The following CTNNA2 variants were observed in gnomAD, a reference collection of about 807,000 sequenced individuals.
CTNNA2 encodes the protein catenin alpha 2, also known as catenin alpha-2.
In CTNNA2, 42 loss-of-function variants were observed where a neutral mutation model predicts 101.0. That is an observed-to-expected ratio of 0.42 (90% confidence interval 0.32 to 0.54). The LOEUF (loss-of-function observed/expected upper bound fraction) is 0.54, where lower values mean the gene tolerates loss of function less well. Among genes scored for constraint, CTNNA2 ranks in the 20% least tolerant of loss-of-function variants. CTNNA2 has a pLI of 0.14. For synonymous variants in CTNNA2, 450 were observed against 456.4 expected (o/e 0.99, Z 0.18); for missense variants, 871 against 1,223.1 (o/e 0.71, Z 4.29).
intron 2 of CTNNA2, among the ~76,000 whole-genome samples, chr2:79,265,597 C>A (rs909309298): frequency 5.9e-5 from 9 of 152,134 alleles, no homozygotes; most frequent in Non-Finnish European, 1.3e-4. Context: ...GACATGAATA[C>A]AAAATTCAAT....
intron 7 of CTNNA2, among the ~76,000 whole-genome samples, chr2:80,194,494 GT>G (rs5832439): frequency 6.3e-4 from 92 of 147,162 alleles, no homozygotes; most frequent in East Asian, 2.6e-3. Flanking sequence ...TGATGTGATA[GT>G]TTTTTTTTTT....
At chr2:79,642,263 T>G (rs1680498130) in intron 1 of CTNNA2, among the ~76,000 whole-genome samples, 1 of 152,230 alleles carries the variant, frequency 6.6e-6, no homozygotes, top group South Asian at 2.1e-4. Context: ...ATAGAAGTCT[T>G]GCAAATATTG....
At chr2:79,256,760 C>A (rs1235389207) in intron 2 of CTNNA2, among the ~76,000 whole-genome samples, 1 of 152,166 alleles carries the variant, frequency 6.6e-6, no homozygotes, top group African/African-American at 2.4e-5. Context: ...CCCAGTTCTT[C>A]AATCTGTAGT....
chr2:79,326,185 C>T (rs564353839), intron 3 of CTNNA2, among the ~76,000 whole-genome samples: 1 of 151,946 alleles, frequency 6.6e-6, no homozygotes, highest in Non-Finnish European at 1.5e-5. Flanking sequence ...TCAATGTCTG[C>T]CTTGACATTG....
intron 7 of CTNNA2, among the ~76,000 whole-genome samples, chr2:80,225,009 C>T (rs896801668): frequency 2.0e-5 from 3 of 152,144 alleles, no homozygotes; most frequent in Non-Finnish European, 4.4e-5. Flanking sequence ...CACACTGCAC[C>T]AGCCTGGTCA....
intron 4 of CTNNA2, among the ~76,000 whole-genome samples, chr2:79,497,617 T>C (rs1437806768): frequency 6.6e-6 from 1 of 152,168 alleles, no homozygotes; most frequent in Non-Finnish European, 1.5e-5. Context: ...TGTCCACTAA[T>C]TCTTCTCTTA....
chr2:79,611,141 T>C (rs1009987002), intron 1 of CTNNA2, among the ~76,000 whole-genome samples: 3 of 152,168 alleles, frequency 2.0e-5, no homozygotes, highest in African/African-American at 7.2e-5. Context: ...AACACAGGGT[T>C]GATACCCACC....
At chr2:80,267,679 A>C (rs1673115299) in intron 7 of CTNNA2, among the ~76,000 whole-genome samples, 1 of 152,238 alleles carries the variant, frequency 6.6e-6, no homozygotes, top group South Asian at 2.1e-4. Context: ...GGGGACCTGG[A>C]AAAGTTTTTC....
At chr2:79,927,594 A>G (rs954908348) in intron 7 of CTNNA2, among the ~76,000 whole-genome samples, 1 of 152,210 alleles carries the variant, frequency 6.6e-6, no homozygotes, top group Non-Finnish European at 1.5e-5. Flanking sequence ...GTATTTATCA[A>G]TTATTCATTG....
At chr2:79,232,485 T>C (rs1007493149) in intron 2 of CTNNA2, among the ~76,000 whole-genome samples, 1 of 152,178 alleles carries the variant, frequency 6.6e-6, no homozygotes, top group African/African-American at 2.4e-5. Context: ...ATCAGGGATA[T>C]TGGCCTGAAT....
At chr2:80,058,581 A>G (rs1301444709) in intron 7 of CTNNA2, among the ~76,000 whole-genome samples, 2 of 152,224 alleles carry the variant, frequency 1.3e-5, no homozygotes, top group Non-Finnish European at 2.9e-5. Flanking sequence ...TTATAGGCGT[A>G]AAAGCAATCC....
intron 7 of CTNNA2, among the ~76,000 whole-genome samples, chr2:80,013,787 T>A (rs978376159): frequency 3.3e-4 from 50 of 152,330 alleles, no homozygotes; most frequent in African/African-American, 1.1e-3. Context: ...GCATCCTACT[T>A]ACTTATGAAA....
intron 9 of CTNNA2, among the ~76,000 whole-genome samples, chr2:80,538,267 T>A (rs1291473890): frequency 6.6e-6 from 1 of 152,196 alleles, no homozygotes; most frequent in African/African-American, 2.4e-5. Context: ...TTACTATTGC[T>A]TTTGCTGTTT....
chr2:79,409,941 T>A (rs1408654448), intron 4 of CTNNA2, among the ~76,000 whole-genome samples: 1 of 144,830 alleles, frequency 6.9e-6, no homozygotes, highest in East Asian at 2.0e-4. Flanking sequence ...GAGCATGGAA[T>A]GTTCTTCCAT....
intron 4 of CTNNA2, among the ~76,000 whole-genome samples, chr2:79,460,093 A>G (rs1573176013): frequency 6.6e-6 from 1 of 152,140 alleles, no homozygotes; most frequent in African/African-American, 2.4e-5. Context: ...CAGAATCTGT[A>G]TCTTCTTTTT....
At chr2:80,401,150 GTTTA>G (rs1429428935) in intron 8 of CTNNA2, among the ~76,000 whole-genome samples, 10 of 152,086 alleles carry the variant, frequency 6.6e-5, no homozygotes, top group Admixed American at 6.5e-4. Flanking sequence ...GGGTTTAGTT[GTTTA>G]TTTGTTTTTG....
chr2:79,212,217 G>C (rs1259589038), intron 2 of CTNNA2, among the ~76,000 whole-genome samples: 2 of 152,190 alleles, frequency 1.3e-5, no homozygotes, highest in African/African-American at 4.8e-5. Context: ...AGTGTAAACC[G>C]GCAGTGTAAA....
chr2:80,133,966 C>T (rs1456368646), intron 7 of CTNNA2, among the ~76,000 whole-genome samples: 1 of 152,078 alleles, frequency 6.6e-6, no homozygotes, highest in Admixed American at 6.6e-5. Context: ...CTATTAGTGC[C>T]TGTCTATTAG....
At chr2:80,422,084 T>A (rs979547642) in intron 9 of CTNNA2, among the ~76,000 whole-genome samples, 7 of 152,208 alleles carry the variant, frequency 4.6e-5, no homozygotes, top group African/African-American at 1.7e-4. Flanking sequence ...TAAAGACATA[T>A]CATATGCAAG....
Sources: gnomAD v4.1 joint callset for allele counts (sites outside exome capture counted in the v4.1 genomes callset) on GRCh38, gnomAD v4.1.1 for gene constraint, MANE v1.5 for transcripts, NCBI Gene and HGNC (gene_info 2026-07-23, HGNC 2026-07-21) for gene names.